Variants in SYTL3 observed in about 807,000 individuals in gnomAD.
The protein encoded by SYTL3 is synaptotagmin like 3.
In SYTL3, 88 loss-of-function variants were observed where a neutral mutation model predicts 82.1. That is an observed-to-expected ratio of 1.07 (90% CI 0.90 to 1.28). SYTL3 has a LOEUF of 1.28. SYTL3 is among the 50% of genes most tolerant of loss of function. The pLI is 0.00. For synonymous variants in SYTL3, 311 were observed against 289.4 expected, an observed-to-expected ratio of 1.07 and a Z score of -0.76; for missense variants, 831 against 757.6, an observed-to-expected ratio of 1.10 and a Z score of -1.14.
intron 11 of SYTL3, among the ~76,000 whole-genome samples, chr6:158,727,662 C>G (rs80351534): frequency 0.042 from 6,290 of 149,136 alleles, 399 homozygotes; most frequent in Admixed American, 0.19. Context: ...CATGGCCGTT[C>G]TCATGTGCGT....
intron 10 of SYTL3, among the ~76,000 whole-genome samples, chr6:158,719,910 G>A (rs930504433): frequency 2.6e-5 from 4 of 151,954 alleles, no homozygotes; most frequent in Non-Finnish European, 4.4e-5. Flanking sequence ...GGCAACATGA[G>A]AAAACCCTGT....
intron 10 of SYTL3, among the ~76,000 whole-genome samples, chr6:158,722,151 G>T (rs775394925): frequency 1.5e-5 from 1 of 67,180 alleles, no homozygotes; most frequent in South Asian, 3.4e-4. Flanking sequence ...TTCTTTTTTT[G>T]TTTGTTTGTT....
At chr6:158,665,291 A>C in intron 4 of SYTL3, 104 bp from the exon 5 acceptor site, 1 of 1,075,394 alleles carries the variant, frequency 9.3e-7, no homozygotes, top group East Asian at 2.6e-5. Flanking sequence ...TCGAATGCCA[A>C]AGCCCCTTCC....
intron 13 of SYTL3, among the ~76,000 whole-genome samples, chr6:158,756,718 A>ATTTTTT (rs1554266255): frequency 6.3e-5 from 3 of 47,340 alleles, no homozygotes; most frequent in Non-Finnish European, 8.0e-5. Flanking sequence ...CTCAAAAAAA[A>ATTTTTT]ATTTTTTTTT....
At chr6:158,757,452 C>A in intron 14 of SYTL3, 71 bp downstream of exon 14, 1 of 1,525,098 alleles carries the variant, frequency 6.6e-7, no homozygotes. Flanking sequence ...CAGAGAGATC[C>A]CAGAAGAGAA....
In SYTL3 at chr6:158,763,885, G is replaced by T. The variant is rs1790362430; in HGVS notation, c.1723+376G>T. On this transcript the variant is annotated intron_variant, in intron 17 of 17. Transcript: ENST00000611299. Reference sequence around the variant, plus strand: ...CAAAAGTGGTCAGAACAGCAGTGCTGTCCAGAGCCGCTCGGCAGGGCACCG... The same window carrying T: ...CAAAAGTGGTCAGAACAGCAGTGCTTTCCAGAGCCGCTCGGCAGGGCACCG... 2.6e-5 allele frequency among the ~76,000 whole-genome samples: 4 copies of T among 152,218 alleles called. No homozygotes were observed. The South Asian group carries it at 8.3e-4, about 31-fold the overall frequency.
intron 10 of SYTL3, among the ~76,000 whole-genome samples, chr6:158,722,691 G>A (rs1290251035): frequency 6.6e-6 from 1 of 151,332 alleles, no homozygotes; most frequent in African/African-American, 2.4e-5. Flanking sequence ...CCTAAAAACC[G>A]TCAGGAGGGG....
At chr6:158,749,709 AAC>A (rs1267442653) in intron 12 of SYTL3, among the ~76,000 whole-genome samples, 1 of 151,980 alleles carries the variant, frequency 6.6e-6, no homozygotes, top group African/African-American at 2.4e-5. Flanking sequence ...GCTGGTCTCA[AAC>A]TCCTGGGCTC....
chr6:158,723,089 CTT>C (rs745395918), intron 10 of SYTL3, among the ~76,000 whole-genome samples: 1,347 of 89,750 alleles, frequency 0.015, 20 homozygotes, highest in African/African-American at 0.059. Context: ...AACAGCTACT[CTT>C]TTTTTTTTTT....
At chr6:158,680,558 G>C (rs1778547364) in intron 5 of SYTL3, among the ~76,000 whole-genome samples, 1 of 94,742 alleles carries the variant, frequency 1.1e-5, no homozygotes, top group Non-Finnish European at 1.9e-5. Flanking sequence ...GGGCAACATA[G>C]CAAAACCCCG....
At position 158,762,321 on chromosome 6, in the gene SYTL3, T is replaced by C; in HGVS notation, c.1517+143T>C. On this transcript the variant is annotated intron_variant, in intron 16 of 17. Coordinates refer to ENST00000611299, the MANE Select transcript of SYTL3 (RefSeq NM_001242394.2). The stretch of plus-strand genomic sequence containing the variant: ...TCCTATGAAAATCTAACAACACATA[T>C]TAAAGACCCTGATTTCCAAAAATTC... 4.9e-6 allele frequency: 3 copies of C among 615,186 alleles called. No individual in the cohort carries two copies. In the South Asian group the frequency reaches 6.3e-5, roughly 13 times the overall value. The allele number at this position is 615,186 out of a possible 1,614,324, so 38.1% of individuals were successfully genotyped here.
At chr6:158,675,034 C>T (rs1436964405) in intron 5 of SYTL3, among the ~76,000 whole-genome samples, 3 of 152,096 alleles carry the variant, frequency 2.0e-5, no homozygotes, top group Non-Finnish European at 2.9e-5. Flanking sequence ...GGATCCCTTC[C>T]TTACACCTTA....
intron 6 of SYTL3, among the ~76,000 whole-genome samples, chr6:158,704,159 A>C (rs1269472260): frequency 1.3e-5 from 2 of 152,088 alleles, no homozygotes; most frequent in South Asian, 2.1e-4. Context: ...TAAAAAAAAA[A>C]ACAAAAGAAT....
intron 6 of SYTL3, among the ~76,000 whole-genome samples, chr6:158,698,120 G>T (rs543243291): frequency 6.6e-6 from 1 of 152,256 alleles, no homozygotes; most frequent in East Asian, 1.9e-4. Flanking sequence ...CTCTGGGCTG[G>T]GTGTGGTGGC....
At chr6:158,669,849 C>G (rs907943714) in intron 5 of SYTL3, among the ~76,000 whole-genome samples, 6 of 152,166 alleles carry the variant, frequency 3.9e-5, no homozygotes, top group Admixed American at 1.3e-4. Context: ...CCTGTGGTCC[C>G]AGTTACTCAT....
intron 2 of SYTL3, among the ~76,000 whole-genome samples, chr6:158,658,455 C>T (rs1788967214): frequency 6.6e-6 from 1 of 152,148 alleles, no homozygotes; most frequent in Non-Finnish European, 1.5e-5. Flanking sequence ...CAATCGAATG[C>T]CCAACGCCAT....
chr6:158,700,888 T>C (rs1337843051), intron 6 of SYTL3, among the ~76,000 whole-genome samples: 4 of 152,210 alleles, frequency 2.6e-5, no homozygotes, highest in Admixed American at 2.0e-4. Flanking sequence ...GGTGCTGGGA[T>C]TACAGGCATG....
At chr6:158,757,434 T>TA (rs2128542879) in intron 14 of SYTL3, 53 bp downstream of exon 14, 1 of 1,580,902 alleles carries the variant, frequency 6.3e-7, no homozygotes, top group African/African-American at 1.3e-5. Context: ...GATAGATAAA[T>TA]AACTTTTCAG....
intron 8 of SYTL3, among the ~76,000 whole-genome samples, chr6:158,709,723 G>A (rs1347394936): frequency 6.6e-6 from 1 of 151,920 alleles, no homozygotes; most frequent in African/African-American, 2.4e-5. Context: ...CCTGAATGTT[G>A]GAATCCTGAA....
Sources: allele counts gnomAD v4.1 joint callset (sites outside exome capture counted in the v4.1 genomes callset), GRCh38; gene constraint gnomAD v4.1.1; transcripts MANE v1.5; gene names NCBI Gene and HGNC (gene_info 2026-07-23, HGNC 2026-07-21).